The following CELSR1 variants were observed in gnomAD, a reference collection of about 807,000 sequenced individuals.
The protein encoded by CELSR1 is adhesion G protein-coupled receptor C1.
Under a neutral mutation model 249.1 loss-of-function variants are expected in CELSR1, and 110 were observed. That is an observed-to-expected ratio of 0.44 (90% CI 0.38 to 0.52). The LOEUF (loss-of-function observed/expected upper bound fraction) is 0.52, where lower values mean the gene tolerates loss of function less well. Ranked by LOEUF, CELSR1 falls within the 20% of genes least tolerant of loss-of-function variation. The pLI is 0.00. For synonymous variants in CELSR1, 2,113 were observed against 1,900.0 expected, an observed-to-expected ratio of 1.11 and a Z score of -2.92; for missense variants, 4,109 against 4,296.4, an observed-to-expected ratio of 0.96 and a Z score of 1.22.
Position 46,504,707 on chromosome 22 carries a change from A to G in CELSR1, c.3544+28920T>C, listed in dbSNP as rs146562832. Among the ~76,000 whole-genome samples the G allele has an allele frequency of 7.6e-4, 116 of 152,276 alleles. No homozygotes were observed. The Middle Eastern group carries it at 0.014, about 18-fold the overall frequency. On this transcript the variant is annotated intron_variant, in intron 1 of 34. Coordinates refer to ENST00000674500, the MANE Select transcript of CELSR1 (RefSeq NM_001378328.1). ...TTCACACACGGCTGGCTCTAGTATT[A>G]ATTAGCACAAATATTCCCGAGGCCA...
intron 1 of CELSR1, among the ~76,000 whole-genome samples, chr22:46,510,125 C>T (rs942744761): frequency 3.3e-5 from 5 of 152,218 alleles, no homozygotes; most frequent in East Asian, 1.9e-4. Flanking sequence ...CAGACGAGGA[C>T]GGCCCACGTG....
chr22:46,370,667 T>C (rs1242535983), intron 25 of CELSR1, among the ~76,000 whole-genome samples: 2 of 152,158 alleles, frequency 1.3e-5, no homozygotes, highest in Non-Finnish European at 2.9e-5. Context: ...ACTCTCCTTA[T>C]TTAAATATTG....
At chr22:46,467,422 C>T (rs5768793) in intron 1 of CELSR1, among the ~76,000 whole-genome samples, 62,198 of 151,744 alleles carry the variant, frequency 0.41, 13,084 homozygotes, top group South Asian at 0.53. Context: ...TAAGTGTGTC[C>T]AAAATATGCG....
chr22:46,534,866 G>A lies in CELSR1; in HGVS notation c.2305C>T (p.Arg769Trp), dbSNP rs201601181. 102 of 1,612,722 alleles carry A rather than the reference G, an allele frequency of 6.3e-5. No individual in the cohort carries two copies. The highest frequency in any genetic ancestry group is 4.0e-4 in the East Asian group (18 of 44,874). Reference sequence around the variant, plus strand: ...ATTAGGACATGCGCAGTGTGCGACCGTGTGCCGTCGGATGCTGTCACCGCC... The same window carrying A: ...ATTAGGACATGCGCAGTGTGCGACCATGTGCCGTCGGATGCTGTCACCGCC... ...VLAVTASDGT[R>W]SHTAHVLINV... Residue 769 changes from arginine to tryptophan, a missense_variant, in exon 1 of 35, where the codon CGG (arginine) becomes TGG (tryptophan). By Grantham distance (101) the Arg-to-Trp change is moderately radical. Around this residue, in one of 7 missense-constraint regions of CELSR1, gnomAD observed 886 missense variants for 896.5 expected, o/e 0.99. Coordinates refer to ENST00000674500, the MANE Select transcript of CELSR1 (RefSeq NM_001378328.1). This position sits in a 1 kb window ranked among gnomAD's most constrained non-coding sequence, Gnocchi z 9.7.
chr22:46,436,170 C>T lies in CELSR1; in HGVS notation c.4522+4G>A, dbSNP rs374298759. 2.0e-4 allele frequency: 328 copies of T among 1,611,048 alleles called. 4 individuals are homozygous for T. The South Asian group carries it at 3.3e-3, about 16-fold the overall frequency. Reference sequence around the variant, plus strand: ...AGCTGCCCTTCCTGGGGAGAAGGCCCCACCTGCAGAGAAGGTGAGCTGCAC... The same window carrying T: ...AGCTGCCCTTCCTGGGGAGAAGGCCTCACCTGCAGAGAAGGTGAGCTGCAC... On this transcript the variant is annotated splice_donor_region_variant and intron_variant, in intron 4 of 34. Coordinates refer to ENST00000674500, the MANE Select transcript of CELSR1 (RefSeq NM_001378328.1). The surrounding 1 kb of genome is among the most constrained non-coding windows in gnomAD (Gnocchi z 5.9).
At chr22:46,378,041 C>G (rs62227000) in intron 23 of CELSR1, among the ~76,000 whole-genome samples, 2,346 of 147,490 alleles carry the variant, frequency 0.016, 25 homozygotes, top group Admixed American at 0.026. Flanking sequence ...GAGGCCAGGA[C>G]AGCGCTCGGG....
intron 2 of CELSR1, among the ~76,000 whole-genome samples, chr22:46,453,105 T>C (rs903520187): frequency 1.3e-5 from 2 of 152,058 alleles, no homozygotes; most frequent in African/African-American, 2.4e-5. Context: ...GGGAGGCAGG[T>C]TGGGGGGCCT....
Position 46,473,018 on chromosome 22 carries a change from G to A in CELSR1, c.3545-8673C>T, listed in dbSNP as rs1401464569. ...TCCAGGTGGATGTGAATTTTGGGGG[G>A]ACGTTAGTCAACCCCGGGAATGCAG... On this transcript the variant is annotated intron_variant, in intron 1 of 34. Coordinates refer to ENST00000674500, the MANE Select transcript of CELSR1 (RefSeq NM_001378328.1). This position sits in a 1 kb window ranked among gnomAD's most constrained non-coding sequence, Gnocchi z 6.6. 6.6e-6 allele frequency among the ~76,000 whole-genome samples: 1 copy of A among 152,152 alleles called. No homozygotes were observed. Among genetic ancestry groups the A allele is most frequent in the East Asian group, 1.9e-4 (1 of 5,180 alleles).
chr22:46,391,365 G>T lies in CELSR1; in HGVS notation c.6149-78C>A. 7.7e-7 allele frequency: 1 copy of T among 1,292,052 alleles called. No individual in the cohort carries two copies. The highest frequency in any genetic ancestry group is 1.1e-6 in the Non-Finnish European group (1 of 912,838). The allele number at this position is 1,292,052 out of a possible 1,614,324, so 80.0% of individuals were successfully genotyped here. The stretch of plus-strand genomic sequence containing the variant: ...CACAAACAGGCACCACTGTCTGCAT[G>T]CGCCTCCCTGCAGGAGGCCCTGCTC... On this transcript the variant is annotated intron_variant, in intron 15 of 34. Coordinates refer to ENST00000674500, the MANE Select transcript of CELSR1 (RefSeq NM_001378328.1). The surrounding 1 kb of genome is among the most constrained non-coding windows in gnomAD (Gnocchi z 4.3).
chr22:46,373,783 C>T (rs1004067045), intron 24 of CELSR1, among the ~76,000 whole-genome samples: 26 of 151,970 alleles, frequency 1.7e-4, no homozygotes, highest in African/African-American at 6.3e-4. Context: ...CACCCCCAAC[C>T]GGCCTGCTCT....
intron 1 of CELSR1, among the ~76,000 whole-genome samples, chr22:46,509,771 G>A (rs200992254): frequency 6.6e-6 from 1 of 152,144 alleles, no homozygotes. Flanking sequence ...GGGGTTTCAC[G>A]AGGGGATGGC....
chr22:46,497,674 T>C (rs913260661), intron 1 of CELSR1, among the ~76,000 whole-genome samples: 5 of 152,196 alleles, frequency 3.3e-5, no homozygotes, highest in Admixed American at 6.5e-5. Context: ...AGACTTTTTT[T>C]CCAAATAAGT....
Position 46,536,185 on chromosome 22 carries a change from C to G in CELSR1, c.986G>C (p.Ser329Thr). 1 of 1,612,940 alleles carries G rather than the reference C, an allele frequency of 6.2e-7. No homozygotes were observed. The highest frequency in any genetic ancestry group is 8.5e-7 in the Non-Finnish European group (1 of 1,180,004). Residue 329 changes from serine to threonine, a missense_variant, in exon 1 of 35, where the codon AGT (serine) becomes ACT (threonine). Ser to Thr is a moderately conservative substitution (Grantham distance 58, BLOSUM62 1). Coordinates refer to ENST00000674500, the MANE Select transcript of CELSR1 (RefSeq NM_001378328.1). The stretch of plus-strand genomic sequence containing the variant: ...GGTGGTGGCCGAGCGCGGCGGCGTA[C>G]TGTAGTCCACGGCTTTCACCCTGAG... ...HVLRVKAVDY[S>T]TPPRSATTYI...
intron 1 of CELSR1, among the ~76,000 whole-genome samples, chr22:46,529,668 T>C (rs1443316800): frequency 6.6e-6 from 1 of 151,996 alleles, no homozygotes. Flanking sequence ...CTGGGTGTGG[T>C]GGCGTGCACC....
intron 27 of CELSR1, 119 bp downstream of exon 27, chr22:46,369,060 C>A: frequency 1.1e-6 from 1 of 899,062 alleles, no homozygotes; most frequent in Non-Finnish European, 1.8e-6. Context: ...CCCAGGCTGC[C>A]CCCAGCCCTC....
At chr22:46,384,866 T>C (rs1393565134) in intron 19 of CELSR1, among the ~76,000 whole-genome samples, 180 bp from the exon 20 acceptor site, 1 of 148,018 alleles carries the variant, frequency 6.8e-6, no homozygotes, top group Non-Finnish European at 1.5e-5. Context: ...CTCAGCTCAC[T>C]GCAACCTCCG....
chr22:46,523,460 G>A (rs760870513), intron 1 of CELSR1, among the ~76,000 whole-genome samples: 1 of 151,908 alleles, frequency 6.6e-6, no homozygotes, highest in African/African-American at 2.4e-5. Flanking sequence ...CTTGTGAGGC[G>A]GAGGTTGCAG....
intron 1 of CELSR1, among the ~76,000 whole-genome samples, chr22:46,521,211 A>G (rs906628197): frequency 1.3e-5 from 2 of 152,098 alleles, no homozygotes; most frequent in Admixed American, 6.6e-5. Context: ...CTCTTTAAAG[A>G]TCTTGTTTTC....
In CELSR1 at chr22:46,384,694, G is replaced by A. The variant is rs1321516909; in HGVS notation, c.6740-8C>T. The stretch of plus-strand genomic sequence containing the variant: ...AGATGTCGACAGCAAGAACTGGGGG[G>A]ACAGTTCCTTTAATCAGACATAACT... On this transcript the variant is annotated splice_polypyrimidine_tract_variant and splice_region_variant and intron_variant, in intron 19 of 34. Transcript: ENST00000674500. The A allele has an allele frequency of 6.8e-6, 11 of 1,609,542 alleles. No individual in the cohort carries two copies. Among genetic ancestry groups the A allele is most frequent in the Admixed American group, 1.7e-5 (1 of 59,322 alleles).
Sources: allele counts gnomAD v4.1 joint callset (sites outside exome capture counted in the v4.1 genomes callset), GRCh38; gene constraint gnomAD v4.1.1; regional missense constraint gnomAD v4.1.1; non-coding constraint Gnocchi (gnomAD v3.1); transcripts MANE v1.5; gene names NCBI Gene and HGNC (gene_info 2026-07-23, HGNC 2026-07-21).